The following MRFAP1L2 variants were observed in gnomAD, a reference collection of about 807,000 sequenced individuals.
MRFAP1L2 encodes the protein MORF4 family-associated protein 1-like protein UPP.
chr4:6,674,203 C>G, the MRFAP1L2 span: 1 of 394,736 alleles, frequency 2.5e-6, no homozygotes, highest in Non-Finnish European at 4.5e-6. Context: ...CTGGAAGAGG[C>G]GGCGGCGTGA....
the MRFAP1L2 span, chr4:6,674,587 G>C: frequency 1.6e-6 from 1 of 630,492 alleles, no homozygotes; most frequent in African/African-American, 1.9e-5. Context: ...GCGAGGCCGC[G>C]CGGGTCTGGA....
the MRFAP1L2 span, chr4:6,674,655 C>T: frequency 9.2e-6 from 5 of 540,846 alleles, no homozygotes; most frequent in Admixed American, 4.0e-5. Context: ...GGGAGGGGAG[C>T]GCAGAGCCGT....
chr4:6,674,893 C>T, the MRFAP1L2 span: 1 of 291,702 alleles, frequency 3.4e-6, no homozygotes, highest in African/African-American at 2.2e-5. Context: ...CAGGTGGAAG[C>T]ATTGTGCACA....
chr4:6,674,827 T>G, the MRFAP1L2 span: 57 of 430,568 alleles, frequency 1.3e-4, no homozygotes, highest in Admixed American at 8.1e-4. Flanking sequence ...CGGAGGTACA[T>G]GCTGGAAACG....
the MRFAP1L2 span, chr4:6,674,444 C>A: frequency 3.0e-6 from 2 of 656,478 alleles, no homozygotes; most frequent in African/African-American, 1.9e-5. Context: ...ACCCCGCCCG[C>A]GTGCGGAGGC....
chr4:6,674,240 C>A, the MRFAP1L2 span: 1 of 413,522 alleles, frequency 2.4e-6, no homozygotes. Context: ...GGACGAGGCG[C>A]GGGAGCCCCG....
At chr4:6,674,730 A>G in the MRFAP1L2 span, 1 of 522,898 alleles carries the variant, frequency 1.9e-6, no homozygotes, top group Non-Finnish European at 3.4e-6. Flanking sequence ...ATAATTTGAT[A>G]TGTTGTTGTA....
chr4:6,674,194 T>C, the MRFAP1L2 span: 1 of 392,908 alleles, frequency 2.5e-6, no homozygotes, highest in African/African-American at 2.1e-5. Context: ...CCCCGCGGGC[T>C]GGAAGAGGCG....
At chr4:6,674,706 G>A in the MRFAP1L2 span, 2 of 523,636 alleles carry the variant, frequency 3.8e-6, no homozygotes, top group South Asian at 2.4e-5. Flanking sequence ...TTTTTTCATA[G>A]GTAATTAGAG....
chr4:6,674,672 C>G, the MRFAP1L2 span: 1 of 528,866 alleles, frequency 1.9e-6, no homozygotes, highest in Admixed American at 4.1e-5. Context: ...CCGTGCCACG[C>G]TCTCCGCGGA....
chr4:6,674,364 A>C, the MRFAP1L2 span: 1 of 640,942 alleles, frequency 1.6e-6, no homozygotes, highest in Non-Finnish European at 2.8e-6. Flanking sequence ...AAGCTGCTGG[A>C]GATCCAGAGC....
the MRFAP1L2 span, chr4:6,674,365 GA>G: frequency 1.6e-6 from 1 of 642,940 alleles, no homozygotes; most frequent in Non-Finnish European, 2.8e-6. Context: ...AGCTGCTGGA[GA>G]TCCAGAGCCT....
the MRFAP1L2 span, chr4:6,674,128 G>C: frequency 7.4e-4 from 284 of 385,052 alleles, no homozygotes; most frequent in African/African-American, 5.3e-3. Context: ...TTGCTAGTCT[G>C]GTCGTTGGTG....
chr4:6,674,575 C>T, the MRFAP1L2 span: 3 of 636,252 alleles, frequency 4.7e-6, no homozygotes, highest in South Asian at 3.4e-5. Context: ...GCTGCTGAGC[C>T]GGCGAGGCCG....
At chr4:6,674,900 C>T in the MRFAP1L2 span, 1 of 269,730 alleles carries the variant, frequency 3.7e-6, no homozygotes, top group Non-Finnish European at 7.0e-6. Flanking sequence ...AAGCATTGTG[C>T]ACAGGTGGTT....
At chr4:6,674,590 G>T in the MRFAP1L2 span, 1 of 614,096 alleles carries the variant, frequency 1.6e-6, no homozygotes, top group South Asian at 1.8e-5. Context: ...AGGCCGCGCG[G>T]GTCTGGAGCG....
chr4:6,674,329 C>A, the MRFAP1L2 span: 4 of 627,372 alleles, frequency 6.4e-6, no homozygotes, highest in South Asian at 5.0e-5. Context: ...GCGAGCGCGC[C>A]CGGGCGCACT....
At chr4:6,675,407 A>ACT in the MRFAP1L2 span, 1 of 152,150 alleles carries the variant, frequency 6.6e-6, no homozygotes, top group African/African-American at 2.4e-5. Flanking sequence ...GTGAGAAGAC[A>ACT]CTACATGGTT....
chr4:6,675,499 G>A, the MRFAP1L2 span: 2 of 152,194 alleles, frequency 1.3e-5, no homozygotes, highest in African/African-American at 4.8e-5. Context: ...CCAGTGGACG[G>A]TTGGTCTTGA....
Sources: gnomAD v4.1 joint callset for allele counts on GRCh38, gnomAD v4.1.1 for gene constraint, MANE v1.5 for transcripts, NCBI Gene and HGNC (gene_info 2026-07-23, HGNC 2026-07-21) for gene names.